The following FANCD2 variants were observed in gnomAD, a reference collection of about 807,000 sequenced individuals.
FANCD2 encodes the protein FA complementation group D2, also known as Fanconi anemia group D2 protein.
FANCD2 carries 131 observed loss-of-function variants against 192.3 expected under a neutral mutation model. That is an observed-to-expected ratio of 0.68 (90% CI 0.59 to 0.79). The LOEUF is 0.79. FANCD2 is among the 30% of genes least tolerant of loss of function. FANCD2 has a pLI of 0.00. For missense variants in FANCD2, 1,508 were observed against 1,701.6 expected (o/e 0.89, Z 2.00); for synonymous variants, 524 against 612.5 (o/e 0.86, Z 2.13).
chr3:10,090,195 A>G lies in FANCD2; in HGVS notation c.3684-97A>G, dbSNP rs1409886921. The stretch of plus-strand genomic sequence containing the variant: ...GACCCTAGTGAAAGGACATTTAGAG[A>G]GGTAGGGAAGGAAGCTACTTTTGGT... On this transcript the variant is annotated intron_variant, in intron 36 of 43. Transcript: ENST00000675286. 1.1e-5 allele frequency: 9 copies of G among 807,166 alleles called. No individual in the cohort carries two copies. In the Admixed American group the frequency reaches 1.7e-4, roughly 16 times the overall value. The allele number at this position is 807,166 out of a possible 1,614,324, so 50.0% of individuals were successfully genotyped here.
At chr3:10,042,787 AT>A in intron 11 of FANCD2, 124 bp downstream of exon 11, 1 of 833,752 alleles carries the variant, frequency 1.2e-6, no homozygotes, top group Non-Finnish European at 2.1e-6. Context: ...GAATGGAGCT[AT>A]TCAACAGATT....
rs1559373161 is a variant in FANCD2 at position 10,039,690 on chromosome 3, GC to G, written c.571-30del. 4 of 1,613,432 alleles carry G rather than the reference GC, an allele frequency of 2.5e-6. No homozygotes were observed. In the South Asian group the frequency reaches 4.4e-5, roughly 18 times the overall value. ...AGTCTTTCTTTATTCTGGGTAATGTGCTGCAGTTCTAATAGTGTCTTCTACT... is the reference window on the plus strand; with the variant it reads ...AGTCTTTCTTTATTCTGGGTAATGTGTGCAGTTCTAATAGTGTCTTCTACT... On this transcript the variant is annotated intron_variant, in intron 8 of 43. Transcript: ENST00000675286.
Position 10,043,509 on chromosome 3 carries a change from G to A in FANCD2, c.1015G>A (p.Gly339Ser), listed in dbSNP as rs144332316. 5.3e-5 allele frequency: 85 copies of A among 1,613,758 alleles called. No homozygotes were observed. In the African/African-American group the frequency reaches 7.1e-4, roughly 13 times the overall value. ...TTCCTCAGGAAATCAAGAAAGCAGC[G>A]GTCAGAGCTGTATTATTCTCCTCTT... ...ASSSGNQESS[G>S]QSCIILLFDV... Residue 339 changes from glycine (G) to serine (S), a missense_variant, in exon 13 of 44, where the codon GGT (glycine) becomes AGT (serine). Physicochemically the swap from Gly to Ser is moderately conservative, Grantham distance 56 (BLOSUM62 0). This residue lies in a region of FANCD2 where 435 missense variants were observed against 421.9 expected (regional missense o/e 1.03). Transcript: ENST00000675286.
chr3:10,073,097 C>G, intron 27 of FANCD2, 116 bp downstream of exon 27: 1 of 850,502 alleles, frequency 1.2e-6, no homozygotes, highest in Non-Finnish European at 2.0e-6. Flanking sequence ...CTGAACTCTT[C>G]CTTTATTAGA....
intron 28 of FANCD2, among the ~76,000 whole-genome samples, chr3:10,074,211 T>G (rs927145968): frequency 4.6e-5 from 7 of 152,184 alleles, no homozygotes; most frequent in Admixed American, 2.6e-4. Flanking sequence ...CCCAAAGTCC[T>G]GGGATTACAG....
intron 26 of FANCD2, among the ~76,000 whole-genome samples, chr3:10,070,156 G>C (rs184194287): frequency 3.4e-5 from 5 of 145,684 alleles, no homozygotes; most frequent in Admixed American, 1.4e-4. Context: ...CGGCTGCCCC[G>C]TATGAGAAGT....
chr3:10,070,106 C>T lies in FANCD2; in HGVS notation c.2495-2765C>T, dbSNP rs1327466742. On this transcript the variant is annotated intron_variant, in intron 26 of 43. Coordinates refer to ENST00000675286, the MANE Select transcript of FANCD2 (RefSeq NM_001018115.3). ...CTGGGATGTGAGGAGCGCCTCTGCC[C>T]GGCCGCGACCCCGTCTGGGAGGTGA... Among the ~76,000 whole-genome samples the T allele has an allele frequency of 8.6e-5, 13 of 151,062 alleles. 1 individual carries two copies. Among genetic ancestry groups the T allele is most frequent in the East Asian group, 4.0e-4 (2 of 5,022 alleles).
At chr3:10,092,966 T>TC (rs1694743629) in intron 38 of FANCD2, among the ~76,000 whole-genome samples, 1 of 152,070 alleles carries the variant, frequency 6.6e-6, no homozygotes, top group Non-Finnish European at 1.5e-5. Flanking sequence ...TGCTGGGATA[T>TC]CAGGCATGAG....
At chr3:10,044,513 C>G (rs1159282927) in intron 14 of FANCD2, among the ~76,000 whole-genome samples, 1 of 151,804 alleles carries the variant, frequency 6.6e-6, no homozygotes, top group Non-Finnish European at 1.5e-5. Context: ...ACTAAAAATA[C>G]AAAAAAAATT....
intron 11 of FANCD2, 86 bp from the exon 12 acceptor site, chr3:10,042,964 C>G: frequency 8.3e-7 from 1 of 1,210,184 alleles, no homozygotes; most frequent in East Asian, 2.3e-5. Flanking sequence ...CTCAGTCTTT[C>G]AGGAGATTGT....
rs759686612 is a variant in FANCD2 at position 10,095,263 on chromosome 3, G to A, written c.4027G>A (p.Gly1343Arg). 6.2e-7 allele frequency: 1 copy of A among 1,614,048 alleles called. No individual in the cohort carries two copies. The highest frequency in any genetic ancestry group is 2.2e-5 in the East Asian group (1 of 44,884). Residue 1343 changes from glycine to arginine, a missense_variant, in exon 41 of 44, where the codon GGG (glycine) becomes AGG (arginine). By Grantham distance (125) the Gly-to-Arg change is moderately radical. Coordinates refer to ENST00000675286, the MANE Select transcript of FANCD2 (RefSeq NM_001018115.3). The part of the protein sequence containing the change: ...LDTRLLHHLC[G>R]HSKIHQDTRL... Reference sequence around the variant, plus strand: ...CACAAGGCTGCTTCATCACCTGTGTGGGCATTCCAAGGTAAGAAGGGGAGC... The same window carrying A: ...CACAAGGCTGCTTCATCACCTGTGTAGGCATTCCAAGGTAAGAAGGGGAGC...
At chr3:10,049,834 A>G (rs552712189) in intron 17 of FANCD2, among the ~76,000 whole-genome samples, 1 of 152,236 alleles carries the variant, frequency 6.6e-6, no homozygotes, top group African/African-American at 2.4e-5. Context: ...GAAGCTGGAG[A>G]ATTCTTCAAA....
At chr3:10,075,067 C>A (rs1345004866) in intron 29 of FANCD2, among the ~76,000 whole-genome samples, 1 of 152,186 alleles carries the variant, frequency 6.6e-6, no homozygotes, top group African/African-American at 2.4e-5. Context: ...GTGTTTGCCA[C>A]TAATCAAAGC....
In FANCD2 at chr3:10,078,992, G is replaced by A. The variant is rs555623633; in HGVS notation, c.2976+795G>A. ...GCAGTGGTTCACACCTGTAATTCCA[G>A]CACGTTGGAAGGCCGAGGCAGGTGG... On this transcript the variant is annotated intron_variant, in intron 30 of 43. Coordinates refer to ENST00000675286, the MANE Select transcript of FANCD2 (RefSeq NM_001018115.3). Among the ~76,000 whole-genome samples the A allele has an allele frequency of 7.2e-5, 11 of 152,010 alleles. No individual in the cohort carries two copies. In the South Asian group the frequency reaches 1.7e-3, roughly 23 times the overall value.
chr3:10,083,025 G>T (rs1423998836), intron 32 of FANCD2, among the ~76,000 whole-genome samples: 1 of 152,084 alleles, frequency 6.6e-6, no homozygotes, highest in Non-Finnish European at 1.5e-5. Flanking sequence ...TCAGGAGTTC[G>T]AGACCAGCCT....
At chr3:10,090,269 C>A in intron 36 of FANCD2, 23 bp from the exon 37 acceptor site, 1 of 1,561,714 alleles carries the variant, frequency 6.4e-7, no homozygotes, top group Non-Finnish European at 8.8e-7. Context: ...GGTGTGGGCA[C>A]GCATGCTTTT....
At chr3:10,055,421 A>G (rs998339118) in intron 18 of FANCD2, among the ~76,000 whole-genome samples, 2 of 152,164 alleles carry the variant, frequency 1.3e-5, no homozygotes, top group Non-Finnish European at 2.9e-5. Flanking sequence ...TACGATATGT[A>G]TCCTTTTGCG....
intron 7 of FANCD2, among the ~76,000 whole-genome samples, chr3:10,036,614 T>G (rs1441210235): frequency 6.6e-6 from 1 of 152,072 alleles, no homozygotes; most frequent in African/African-American, 2.4e-5. Flanking sequence ...GGAGGAGGAT[T>G]GCTTGAGTTC....
In FANCD2 at chr3:10,039,841, C is replaced by T; in HGVS notation, c.691C>T (p.Leu231Phe). 1 of 1,613,988 alleles carries T rather than the reference C, an allele frequency of 6.2e-7. No homozygotes were observed. The highest frequency in any genetic ancestry group is 8.5e-7 in the Non-Finnish European group (1 of 1,180,020). The change falls in exon 9 of 44, where the codon CTC (leucine) becomes TTC (phenylalanine). Residue 231 changes from leucine to phenylalanine, a missense_variant. Physicochemically the swap from Leu to Phe is conservative, Grantham distance 22. Transcript: ENST00000675286. ...CCAGCACGCTGATGTGGGGAAAGAA[C>T]TCAGGTGGATAAACCCTCTGTCATC... The part of the protein sequence containing the change: ...DSQHADVGKE[L>F]SDLLIENTSL...
Sources: gnomAD v4.1 joint callset for allele counts (sites outside exome capture counted in the v4.1 genomes callset) on GRCh38, gnomAD v4.1.1 for gene constraint, gnomAD v4.1.1 regional missense constraint, MANE v1.5 for transcripts, NCBI Gene and HGNC (gene_info 2026-07-23, HGNC 2026-07-21) for gene names.